NLGN1: variants seen among roughly 807,000 people sequenced by gnomAD.
NLGN1 encodes the protein neuroligin-1.
NLGN1 carries 12 observed loss-of-function variants against 65.5 expected under a neutral mutation model. The ratio of observed to expected loss-of-function variants is 0.18; its 90% confidence interval spans 0.12 to 0.30. The LOEUF (loss-of-function observed/expected upper bound fraction) is 0.30, where lower values mean the gene tolerates loss of function less well. Ranked by LOEUF, NLGN1 falls within the 10% of genes least tolerant of loss-of-function variation. The pLI, the probability that NLGN1 is intolerant of heterozygous loss-of-function variation, is 1.00. For missense variants in NLGN1, 750 were observed against 1,007.1 expected (o/e 0.74, Z 3.46); for synonymous variants, 350 against 359.5 (o/e 0.97, Z 0.30).
At chr3:174,009,490 T>C (rs886525672) in intron 4 of NLGN1, among the ~76,000 whole-genome samples, 1 of 152,092 alleles carries the variant, frequency 6.6e-6, no homozygotes, top group Non-Finnish European at 1.5e-5. Flanking sequence ...TACCATTTTA[T>C]AGTAAAAGAA....
At chr3:173,994,410 T>C (rs530735955) in intron 4 of NLGN1, among the ~76,000 whole-genome samples, 32 of 145,722 alleles carry the variant, frequency 2.2e-4, no homozygotes, top group South Asian at 2.1e-3. Context: ...TGGTGGATAA[T>C]TCTCAGTGAG....
chr3:173,767,171 T>G (rs2150240751), intron 3 of NLGN1, among the ~76,000 whole-genome samples: 1 of 152,252 alleles, frequency 6.6e-6, no homozygotes, highest in African/African-American at 2.4e-5. Context: ...TTTTCTTCAA[T>G]AATGAGTATT....
At chr3:173,561,662 A>C (rs967637938) in intron 2 of NLGN1, among the ~76,000 whole-genome samples, 1 of 152,230 alleles carries the variant, frequency 6.6e-6, no homozygotes, top group African/African-American at 2.4e-5. Context: ...TTTTCTGTGC[A>C]AAAGAAGTGA....
At chr3:174,154,993 T>TATTTTATTATAA (rs1553948777) in intron 4 of NLGN1, among the ~76,000 whole-genome samples, 1 of 122,472 alleles carries the variant, frequency 8.2e-6, no homozygotes, top group Non-Finnish European at 1.6e-5. Context: ...TATTATATAT[T>TATTTTATTATAA]ATATATATTT....
chr3:173,944,122 TG>T (rs1286478240), intron 4 of NLGN1, among the ~76,000 whole-genome samples: 3,384 of 130,916 alleles, frequency 0.026, 115 homozygotes, highest in African/African-American at 0.08. Context: ...GTTAATATTA[TG>T]GGTGTGTGTG....
chr3:173,597,687 A>AATAT (rs545073713), intron 2 of NLGN1, among the ~76,000 whole-genome samples: 19 of 61,794 alleles, frequency 3.1e-4, no homozygotes, highest in African/African-American at 1.1e-3. Flanking sequence ...TTTATGTAGG[A>AATAT]ATATACATAT....
intron 4 of NLGN1, among the ~76,000 whole-genome samples, chr3:174,274,680 T>G (rs1750183780): frequency 6.6e-6 from 1 of 151,848 alleles, no homozygotes; most frequent in African/African-American, 2.4e-5. Flanking sequence ...CCCCTCAGTT[T>G]GGCATTTAAA....
intron 4 of NLGN1, among the ~76,000 whole-genome samples, chr3:174,181,503 C>G (rs1730411218): frequency 6.6e-6 from 1 of 152,116 alleles, no homozygotes; most frequent in Admixed American, 6.6e-5. Flanking sequence ...AGATCTCCTC[C>G]TTTAGACTAT....
chr3:174,281,351 A>T lies in NLGN1; in HGVS notation c.*48A>T, dbSNP rs1321169387. 6 of 1,190,834 alleles carry T rather than the reference A, an allele frequency of 5.0e-6. No individual in the cohort carries two copies. The Admixed American group carries it at 1.2e-4, about 24-fold the overall frequency. 73.8% of individuals were successfully genotyped at this position (1,190,834 alleles called of 1,614,324 possible). A position where few individuals can be genotyped will look rare whatever the true frequency, so the allele number is the denominator to read the frequency against. On this transcript the variant is annotated 3_prime_UTR_variant, in exon 7 of 7. Transcript: ENST00000457714. ...TTTTTTTGATGGATTGCAGTAAACGATCACTGAAGATTCCTTGGCTTTCAA... is the reference window on the plus strand; with the variant it reads ...TTTTTTTGATGGATTGCAGTAAACGTTCACTGAAGATTCCTTGGCTTTCAA...
chr3:174,221,444 A>G (rs1577423413), intron 4 of NLGN1, among the ~76,000 whole-genome samples: 1 of 152,066 alleles, frequency 6.6e-6, no homozygotes, highest in African/African-American at 2.4e-5. Flanking sequence ...TCTGGAGACA[A>G]CGACTACAGC....
intron 4 of NLGN1, among the ~76,000 whole-genome samples, chr3:173,866,357 GAAAC>G (rs576430468): frequency 6.6e-6 from 1 of 151,918 alleles, no homozygotes; most frequent in East Asian, 1.9e-4. Context: ...CATCTCAAAA[GAAAC>G]AAACAAACAA....
intron 4 of NLGN1, among the ~76,000 whole-genome samples, chr3:174,222,677 T>G (rs1274722805): frequency 6.6e-6 from 1 of 152,152 alleles, no homozygotes; most frequent in Admixed American, 6.5e-5. Flanking sequence ...GATTCCTGTT[T>G]GGGCAAGCAA....
At chr3:173,517,750 T>TATCTATC (rs1734041553) in intron 2 of NLGN1, among the ~76,000 whole-genome samples, 3 of 147,132 alleles carry the variant, frequency 2.0e-5, no homozygotes, top group African/African-American at 5.0e-5. Flanking sequence ...TTTCGCAAAT[T>TATCTATC]TATCTATCTA....
intron 4 of NLGN1, among the ~76,000 whole-genome samples, chr3:174,262,872 C>T (rs1747225074): frequency 9.6e-6 from 1 of 104,192 alleles, no homozygotes; most frequent in Non-Finnish European, 1.9e-5. Flanking sequence ...CCCAGAGATT[C>T]TGGTATGTTG....
At chr3:173,835,939 C>T (rs1723550573) in intron 4 of NLGN1, among the ~76,000 whole-genome samples, 1 of 151,980 alleles carries the variant, frequency 6.6e-6, no homozygotes. Context: ...TCCCTTGATC[C>T]TCACAACCGC....
At chr3:174,240,741 C>T (rs1742634315) in intron 4 of NLGN1, among the ~76,000 whole-genome samples, 1 of 152,072 alleles carries the variant, frequency 6.6e-6, no homozygotes. Context: ...ATATATAGCA[C>T]CCCTGAATTC....
intron 4 of NLGN1, among the ~76,000 whole-genome samples, chr3:174,027,049 G>T (rs13098521): frequency 0.022 from 3,277 of 147,938 alleles, 62 homozygotes; most frequent in Non-Finnish European, 0.036. Context: ...GCTAAGTTTG[G>T]TCTAGTTCAA....
At chr3:174,026,821 A>C (rs1315280972) in intron 4 of NLGN1, among the ~76,000 whole-genome samples, 1 of 152,226 alleles carries the variant, frequency 6.6e-6, no homozygotes, top group Non-Finnish European at 1.5e-5. Flanking sequence ...GCAAAGGCAG[A>C]ACTTGAAGCA....
intron 4 of NLGN1, among the ~76,000 whole-genome samples, chr3:174,242,748 A>G (rs1743125541): frequency 6.6e-6 from 1 of 152,140 alleles, no homozygotes. Context: ...TGTGGCAATA[A>G]TAGAAATAAA....
Sources: gnomAD v4.1 joint callset for allele counts (sites outside exome capture counted in the v4.1 genomes callset) on GRCh38, gnomAD v4.1.1 for gene constraint, MANE v1.5 for transcripts, NCBI Gene and HGNC (gene_info 2026-07-23, HGNC 2026-07-21) for gene names.